The following UTY variants were observed in gnomAD, a reference collection of about 807,000 sequenced individuals.
The protein encoded by UTY is ubiquitously transcribed tetratricopeptide repeat containing, Y-linked.
In UTY, 12 loss-of-function variants were observed where a neutral mutation model predicts 32.5. The observed-to-expected ratio is 0.37, with a 90% CI of 0.24 to 0.60. UTY has a LOEUF of 0.60. Ranked by LOEUF, UTY falls within the 20% of genes least tolerant of loss-of-function variation. The probability of loss-of-function intolerance (pLI) is 0.69; values close to 1 mark genes in which losing one functional copy is unlikely to be tolerated. For synonymous variants in UTY, 131 were observed against 103.4 expected (o/e 1.27, Z -1.62); for missense variants, 303 against 299.2 (o/e 1.01, Z -0.09).
At chrY:13,273,220 T>C (rs1009293073) in intron 27 of UTY, among the ~76,000 whole-genome samples, 1 of 33,812 alleles carries the variant, frequency 3.0e-5, no homozygotes. Context: ...AACTAACCTA[T>C]TGTTGCATAA....
intron 3 of UTY, among the ~76,000 whole-genome samples, chrY:13,465,045 G>A (rs891674231): frequency 3.0e-5 from 1 of 33,002 alleles, no homozygotes; most frequent in Admixed American, 2.7e-4. Flanking sequence ...CCGAGATCAC[G>A]TCACAGCACT....
intron 7 of UTY, 26 bp downstream of exon 7, chrY:13,396,892 A>G (rs2068318047): frequency 6.6e-6 from 2 of 302,620 alleles, no homozygotes; most frequent in Admixed American, 2.2e-4. Context: ...TCTTTACTCA[A>G]AAGTATTTCA....
chrY:13,293,324 T>A (rs2057856297), intron 27 of UTY, among the ~76,000 whole-genome samples: 1 of 31,083 alleles, frequency 3.2e-5, no homozygotes, highest in Non-Finnish European at 8.0e-5. Flanking sequence ...GCATTCAAAA[T>A]TTTTTTTTTT....
chrY:13,324,628 G>A lies in UTY; in HGVS notation c.3043C>T (p.Arg1015Cys). ...TNPKNPVTVI[R>C]GLAGALKLDL... Reference sequence around the variant, plus strand: ...AATTTAAGAGCTCCAGCAAGGCCACGTATTACTGTAACAGGGTTTTTTGGA... The same window carrying A: ...AATTTAAGAGCTCCAGCAAGGCCACATATTACTGTAACAGGGTTTTTTGGA... The change falls in exon 20 of 30, where the codon CGT becomes TGT. Residue 1015 changes from arginine (R) to cysteine (C), a missense_variant. Arg to Cys is a radical substitution (Grantham distance 180). Transcript: ENST00000545955. 1 of 396,735 alleles carries A rather than the reference G, an allele frequency of 2.5e-6. No homozygotes were observed. Among genetic ancestry groups the A allele is most frequent in the Non-Finnish European group, 3.5e-6 (1 of 282,382 alleles).
At chrY:13,458,551 A>AGACATT (rs2077046669) in intron 3 of UTY, among the ~76,000 whole-genome samples, 1 of 33,652 alleles carries the variant, frequency 3.0e-5, no homozygotes, top group Non-Finnish European at 7.4e-5. Context: ...TTTTGGCTGC[A>AGACATT]TAAATGTCTT....
At chrY:13,267,928 T>C (rs2055966203) in intron 27 of UTY, among the ~76,000 whole-genome samples, 1 of 33,131 alleles carries the variant, frequency 3.0e-5, no homozygotes, top group Non-Finnish European at 7.4e-5. Flanking sequence ...GTGGGTAACC[T>C]GACCATTCTC....
At chrY:13,412,375 C>T in intron 5 of UTY, among the ~76,000 whole-genome samples, 5 of 32,864 alleles carry the variant, frequency 1.5e-4, no homozygotes, top group African/African-American at 6.0e-4. Context: ...AAGTAATTTC[C>T]TACTTCTAAA....
At chrY:13,280,266 G>A (rs2056931838) in intron 27 of UTY, among the ~76,000 whole-genome samples, 1 of 33,037 alleles carries the variant, frequency 3.0e-5, no homozygotes, top group African/African-American at 1.2e-4. Flanking sequence ...GCATGTGCCT[G>A]GAGTCCCAGC....
At chrY:13,466,808 C>T (rs761101979) in intron 3 of UTY, among the ~76,000 whole-genome samples, 96 of 34,140 alleles carry the variant, frequency 2.8e-3, no homozygotes, top group Admixed American at 4.8e-3. Context: ...ACTTTCAACT[C>T]AACACCAAAT....
chrY:13,324,930 TA>T (rs2060124610), intron 19 of UTY, among the ~76,000 whole-genome samples: 1 of 32,741 alleles, frequency 3.1e-5, no homozygotes, highest in Non-Finnish European at 7.6e-5. Context: ...AGGTAATAGC[TA>T]AAAAAAACCC....
chrY:13,399,988 G>C (rs1004458148), intron 6 of UTY, among the ~76,000 whole-genome samples: 2 of 33,327 alleles, frequency 6.0e-5, no homozygotes, highest in Non-Finnish European at 1.5e-4. Context: ...CCTTTGTCTT[G>C]TCATTTCTCT....
chrY:13,337,280 T>C, intron 17 of UTY, among the ~76,000 whole-genome samples: 1 of 32,467 alleles, frequency 3.1e-5, no homozygotes, highest in Non-Finnish European at 7.6e-5. Flanking sequence ...CTTGGCAAAG[T>C]AGAAAGAAAA....
intron 17 of UTY, among the ~76,000 whole-genome samples, chrY:13,346,436 T>C: frequency 6.0e-5 from 2 of 33,560 alleles, no homozygotes; most frequent in Non-Finnish European, 1.5e-4. Flanking sequence ...ATTCCTCCTA[T>C]ATCAGCTGAA....
At chrY:13,356,879 G>A in intron 15 of UTY, among the ~76,000 whole-genome samples, 1 of 29,919 alleles carries the variant, frequency 3.3e-5, no homozygotes, top group African/African-American at 1.3e-4. Context: ...TGTGGTTTTA[G>A]TTAAATGTAT....
intron 21 of UTY, among the ~76,000 whole-genome samples, chrY:13,313,168 CA>C (rs2059295648): frequency 6.0e-5 from 2 of 33,589 alleles, no homozygotes; most frequent in Non-Finnish European, 7.4e-5. Flanking sequence ...AACAGCTGAA[CA>C]GGCAGGCCTC....
chrY:13,243,254 T>C, intron 28 of UTY, among the ~76,000 whole-genome samples: 1 of 28,987 alleles, frequency 3.4e-5, no homozygotes, highest in East Asian at 8.6e-4. Flanking sequence ...CAAAATAAAA[T>C]AAAATAAAAA....
At chrY:13,458,164 T>C (rs2076934858) in intron 3 of UTY, among the ~76,000 whole-genome samples, 1 of 33,777 alleles carries the variant, frequency 3.0e-5, no homozygotes, top group Non-Finnish European at 7.4e-5. Context: ...GTAAAAACAT[T>C]ATTGGACATT....
chrY:13,381,877 CT>C (rs2066176920), intron 8 of UTY, among the ~76,000 whole-genome samples: 9 of 32,479 alleles, frequency 2.8e-4, no homozygotes, highest in Non-Finnish European at 4.5e-4. Flanking sequence ...TGCCAGTTGC[CT>C]AGAAGTGCAG....
chrY:13,376,076 T>C (rs992747573), intron 8 of UTY, among the ~76,000 whole-genome samples: 1 of 33,628 alleles, frequency 3.0e-5, no homozygotes, highest in Non-Finnish European at 7.4e-5. Context: ...TTTCATGTTA[T>C]GTGCAATCTG....
Sources: gnomAD v4.1 joint callset for allele counts (sites outside exome capture counted in the v4.1 genomes callset) on GRCh38, gnomAD v4.1.1 for gene constraint, MANE v1.5 for transcripts, NCBI Gene and HGNC (gene_info 2026-07-23, HGNC 2026-07-21) for gene names.